Variants in DENND1A observed in about 807,000 individuals in gnomAD.
DENND1A encodes DENN domain containing 1A.
A neutral mutation model predicts 113.7 loss-of-function variants in DENND1A; 51 were observed. The ratio of observed to expected loss-of-function variants is 0.45; its 90% CI spans 0.36 to 0.57. DENND1A has a LOEUF of 0.57. DENND1A is among the 20% of genes least tolerant of loss of function. The pLI, the probability that DENND1A is intolerant of heterozygous loss-of-function variation, is 0.00. For missense variants in DENND1A, 1,258 were observed against 1,395.9 expected (o/e 0.90, Z 1.57); for synonymous variants, 565 against 570.8 (o/e 0.99, Z 0.14).
At chr9:123,647,354 C>T (rs992592954) in intron 9 of DENND1A, among the ~76,000 whole-genome samples, 8 of 152,200 alleles carry the variant, frequency 5.3e-5, no homozygotes, top group Non-Finnish European at 1.5e-5. Flanking sequence ...ACTTAGTTTA[C>T]CTCTGTTCGA....
At chr9:123,918,382 G>A (rs184590467) in intron 1 of DENND1A, among the ~76,000 whole-genome samples, 4,614 of 151,878 alleles carry the variant, frequency 0.03, 151 homozygotes, top group South Asian at 0.046. Context: ...CAGCTACTCG[G>A]GAGGCTGAAG....
chr9:123,577,361 T>C (rs2058686836), intron 12 of DENND1A, among the ~76,000 whole-genome samples: 1 of 152,220 alleles, frequency 6.6e-6, no homozygotes. Context: ...CTTCATTTAA[T>C]CAGGTCTTCC....
intron 2 of DENND1A, among the ~76,000 whole-genome samples, chr9:123,803,963 T>C (rs1324176130): frequency 2.0e-5 from 3 of 152,346 alleles, no homozygotes; most frequent in African/African-American, 4.8e-5. Flanking sequence ...TATCAATCTT[T>C]AGTCTTGATC....
intron 5 of DENND1A, among the ~76,000 whole-genome samples, chr9:123,728,808 A>C (rs2067942929): frequency 6.6e-6 from 1 of 152,144 alleles, no homozygotes; most frequent in East Asian, 1.9e-4. Context: ...GCAGAGACAC[A>C]ACAAAAAAAG....
chr9:123,902,399 C>T lies in DENND1A; in HGVS notation c.18-23378G>A, dbSNP rs80259458. Among the ~76,000 whole-genome samples the T allele has an allele frequency of 2.0e-5, 3 of 152,244 alleles. No individual in the cohort carries two copies. The South Asian group carries it at 6.2e-4, about 32-fold the overall frequency. On this transcript the variant is annotated intron_variant, in intron 1 of 23. Coordinates refer to ENST00000394215, the MANE Select transcript of DENND1A (RefSeq NM_001352964.2). ...CTGTAAGGCAATAAAGTTCTACCTTCGTGGTGCAAATGCCTGCTAGTTACT... is the reference window on the plus strand; with the variant it reads ...CTGTAAGGCAATAAAGTTCTACCTTTGTGGTGCAAATGCCTGCTAGTTACT...
At chr9:123,502,708 T>C (rs573785746) in intron 13 of DENND1A, among the ~76,000 whole-genome samples, 1 of 152,230 alleles carries the variant, frequency 6.6e-6, no homozygotes, top group East Asian at 1.9e-4. Flanking sequence ...TTTGTCTAGT[T>C]TTTCTTTCGT....
chr9:123,703,846 T>C (rs10818860), intron 5 of DENND1A, among the ~76,000 whole-genome samples: 11,261 of 152,152 alleles, frequency 0.074, 545 homozygotes, highest in African/African-American at 0.13. Flanking sequence ...CAGAGAACTT[T>C]TGGGAGTGAC....
intron 9 of DENND1A, among the ~76,000 whole-genome samples, chr9:123,642,802 C>T (rs559160654): frequency 4.6e-5 from 7 of 152,294 alleles, no homozygotes; most frequent in Admixed American, 6.5e-5. Context: ...GCTTCAAGGG[C>T]GGCAGATAAG....
chr9:123,737,613 T>A (rs2068667561), intron 5 of DENND1A, among the ~76,000 whole-genome samples: 1 of 152,134 alleles, frequency 6.6e-6, no homozygotes, highest in African/African-American at 2.4e-5. Flanking sequence ...CATTCCTCGA[T>A]CTTTAAAAGA....
chr9:123,622,736 T>C (rs1012405914), intron 10 of DENND1A, among the ~76,000 whole-genome samples: 1 of 152,228 alleles, frequency 6.6e-6, no homozygotes, highest in South Asian at 2.1e-4. Flanking sequence ...ACAATGGAGC[T>C]ATATTTACCT....
chr9:123,882,354 T>C (rs1307188759), intron 1 of DENND1A, among the ~76,000 whole-genome samples: 1 of 151,068 alleles, frequency 6.6e-6, no homozygotes, highest in East Asian at 1.9e-4. Context: ...CATTTGGGCA[T>C]CTAAGAAGCA....
intron 2 of DENND1A, among the ~76,000 whole-genome samples, chr9:123,810,380 T>C (rs894029290): frequency 3.3e-5 from 5 of 151,576 alleles, no homozygotes; most frequent in African/African-American, 1.2e-4. Context: ...AAATGTGCAG[T>C]ATTGGGGAAG....
intron 13 of DENND1A, among the ~76,000 whole-genome samples, chr9:123,477,981 T>C (rs1375824622): frequency 1.3e-5 from 2 of 152,160 alleles, no homozygotes; most frequent in Admixed American, 1.3e-4. Context: ...GAGGGGTCTG[T>C]TCATCCCTGG....
At chr9:123,793,086 C>T (rs979321664) in intron 2 of DENND1A, among the ~76,000 whole-genome samples, 2 of 152,090 alleles carry the variant, frequency 1.3e-5, no homozygotes, top group East Asian at 3.9e-4. Context: ...CAAAACTCAT[C>T]GCTTTAATAA....
At chr9:123,907,311 C>G (rs1853043064) in intron 1 of DENND1A, among the ~76,000 whole-genome samples, 1 of 149,390 alleles carries the variant, frequency 6.7e-6, no homozygotes, top group African/African-American at 2.5e-5. Context: ...GACAGGGATG[C>G]CCTCTCTCAC....
chr9:123,666,647 T>C (rs1355864086), intron 8 of DENND1A, among the ~76,000 whole-genome samples: 1 of 152,096 alleles, frequency 6.6e-6, no homozygotes, highest in East Asian at 1.9e-4. Context: ...ACAGAGTAAA[T>C]GGAATATTAG....
intron 5 of DENND1A, among the ~76,000 whole-genome samples, chr9:123,710,530 A>G (rs1442776753): frequency 9.4e-6 from 1 of 106,066 alleles, no homozygotes; most frequent in Non-Finnish European, 1.9e-5. Context: ...ATAAAGCCTC[A>G]TTAAACACAC....
chr9:123,401,315 T>A (rs969590373), intron 21 of DENND1A: 1 of 190,040 alleles, frequency 5.3e-6, no homozygotes, highest in African/African-American at 2.5e-5. Context: ...TGTTGTGACA[T>A]GGCATTTGGA....
At chr9:123,462,424 T>G (rs527730646) in intron 13 of DENND1A, among the ~76,000 whole-genome samples, 3 of 152,356 alleles carry the variant, frequency 2.0e-5, no homozygotes, top group African/African-American at 2.4e-5. Context: ...TGTGGTCTAC[T>G]GCAGGCCTGG....
Sources: gnomAD v4.1 joint callset for allele counts (sites outside exome capture counted in the v4.1 genomes callset) on GRCh38, gnomAD v4.1.1 for gene constraint, MANE v1.5 for transcripts, NCBI Gene and HGNC (gene_info 2026-07-23, HGNC 2026-07-21) for gene names.